The following MISFA variants were observed in gnomAD, a reference collection of about 807,000 sequenced individuals.
MISFA encodes the protein mitochondrial sheath formation associated.
chr11:18,606,778 C>T, the MISFA span: 28 of 388,096 alleles, frequency 7.2e-5, no homozygotes, highest in Admixed American at 1.1e-3. Flanking sequence ...CCAATAGCTG[C>T]TTTTAAGTTA....
chr11:18,604,082 ACG>A, the MISFA span, among the ~76,000 whole-genome samples: 1 of 150,506 alleles, frequency 6.6e-6, no homozygotes, highest in African/African-American at 2.4e-5. Flanking sequence ...GCCTGCCACC[ACG>A]CCTGGCTATT....
chr11:18,605,001 G>A, the MISFA span, among the ~76,000 whole-genome samples: 2 of 152,286 alleles, frequency 1.3e-5, no homozygotes, highest in Middle Eastern at 6.8e-3. Flanking sequence ...CCAGCACTTT[G>A]GGAGGCCGAG....
chr11:18,606,063 C>G, the MISFA span, among the ~76,000 whole-genome samples: 1 of 152,164 alleles, frequency 6.6e-6, no homozygotes, highest in African/African-American at 2.4e-5. Context: ...CTCATTTTGA[C>G]AAGAGGAACC....
At chr11:18,601,366 TA>T in the MISFA span, 1 of 398,082 alleles carries the variant, frequency 2.5e-6, no homozygotes, top group Non-Finnish European at 4.4e-6. Context: ...CCATGTCTCA[TA>T]GGTGTTGTTT....
chr11:18,609,694 C>G, the MISFA span: 3 of 625,782 alleles, frequency 4.8e-6, no homozygotes, highest in East Asian at 2.8e-5. Flanking sequence ...TGGAAAATAT[C>G]TGAAAATATT....
chr11:18,605,270 C>T, the MISFA span, among the ~76,000 whole-genome samples: 40 of 151,706 alleles, frequency 2.6e-4, no homozygotes, highest in Non-Finnish European at 5.3e-4. Context: ...AAAAGAAAAC[C>T]CAGGAAGTTG....
chr11:18,601,041 T>G, the MISFA span: 1 of 398,452 alleles, frequency 2.5e-6, no homozygotes, highest in East Asian at 3.6e-5. Context: ...GGTTACCCAC[T>G]GGGCCAATGA....
chr11:18,600,494 C>T, the MISFA span, among the ~76,000 whole-genome samples: 1 of 147,664 alleles, frequency 6.8e-6, no homozygotes, highest in African/African-American at 2.5e-5. Flanking sequence ...TGAGCCACCA[C>T]GCCTGGCTGG....
chr11:18,609,483 T>A, the MISFA span: 1 of 199,106 alleles, frequency 5.0e-6, no homozygotes, highest in South Asian at 9.4e-5. Flanking sequence ...TACTCACAGA[T>A]CAGCAGAAGA....
At chr11:18,606,622 C>T in the MISFA span, 6 of 364,182 alleles carry the variant, frequency 1.6e-5, no homozygotes, top group African/African-American at 4.6e-5. Flanking sequence ...ATACACTAAA[C>T]GTCTGAATAT....
chr11:18,605,138 G>C, the MISFA span, among the ~76,000 whole-genome samples: 1 of 152,094 alleles, frequency 6.6e-6, no homozygotes, highest in Non-Finnish European at 1.5e-5. Context: ...AGCTACTTGG[G>C]AGGCTGAGGC....
the MISFA span, chr11:18,604,051 A>C: frequency 2.7e-5 from 7 of 262,886 alleles, no homozygotes; most frequent in Non-Finnish European, 4.9e-5. Flanking sequence ...CTCAGCCTCC[A>C]GAGTAGCTGG....
chr11:18,601,923 T>A, the MISFA span: 2 of 164,362 alleles, frequency 1.2e-5, no homozygotes, highest in Non-Finnish European at 2.6e-5. Flanking sequence ...GTAAAGCATT[T>A]AATGCAAAGC....
chr11:18,609,657 A>G, the MISFA span: 1 of 584,382 alleles, frequency 1.7e-6, no homozygotes, highest in Admixed American at 3.1e-5. Context: ...AGTGGGCATT[A>G]TATCATCTGC....
At chr11:18,609,855 C>G in the MISFA span, 1 of 1,613,246 alleles carries the variant, frequency 6.2e-7, no homozygotes, top group African/African-American at 1.3e-5. Context: ...AAAATAAAAG[C>G]AGCAGCTAAC....
chr11:18,603,102 C>T, the MISFA span: 1 of 399,022 alleles, frequency 2.5e-6, no homozygotes, highest in Non-Finnish European at 4.4e-6. Flanking sequence ...GGTACACCAC[C>T]AGCTGAGAAA....
chr11:18,605,550 A>T, the MISFA span, among the ~76,000 whole-genome samples: 1 of 152,166 alleles, frequency 6.6e-6, no homozygotes, highest in African/African-American at 2.4e-5. Context: ...AAAGAAAATA[A>T]ATTCAAAATC....
the MISFA span, among the ~76,000 whole-genome samples, chr11:18,604,073 C>T: frequency 3.3e-5 from 5 of 151,704 alleles, no homozygotes; most frequent in African/African-American, 9.7e-5. Flanking sequence ...ACTACAGGCG[C>T]CTGCCACCAC....
At chr11:18,600,361 G>A in the MISFA span, among the ~76,000 whole-genome samples, 7 of 151,360 alleles carry the variant, frequency 4.6e-5, no homozygotes, top group South Asian at 4.2e-4. Flanking sequence ...GCACCACCAC[G>A]CCTGGCGAAT....
Sources: allele counts gnomAD v4.1 joint callset (sites outside exome capture counted in the v4.1 genomes callset), GRCh38; gene constraint gnomAD v4.1.1; transcripts MANE v1.5; gene names NCBI Gene and HGNC (gene_info 2026-07-23, HGNC 2026-07-21).